Variants in PQBP1 observed in about 807,000 individuals in gnomAD.
The protein encoded by PQBP1 is polyglutamine binding protein 1, also known as polyglutamine-binding protein 1.
PQBP1 carries 3 observed loss-of-function variants against 20.9 expected under a neutral mutation model. That is an observed-to-expected ratio of 0.14 (90% confidence interval 0.07 to 0.37). PQBP1 has a LOEUF of 0.37. PQBP1 is among the 10% of genes least tolerant of loss of function. The pLI is 1.00. For synonymous variants in PQBP1, 83 were observed against 93.8 expected (o/e 0.88, Z 0.67); for missense variants, 162 against 240.3 (o/e 0.67, Z 2.16).
At chrX:48,901,462 C>A in intron 3 of PQBP1, 161 bp downstream of exon 3, 1 of 1,055,458 alleles carries the variant, frequency 9.5e-7, no homozygotes, top group Non-Finnish European at 1.3e-6. Context: ...CCTGGCTCCT[C>A]TGGGGTTGGA....
chrX:48,898,521 C>T lies in PQBP1; in HGVS notation c.12C>T (p.Pro4=), dbSNP rs782658869. 8.3e-7 allele frequency: 1 copy of T among 1,210,916 alleles called. No homozygotes were observed. Residue 4 remains proline, a synonymous_variant, in exon 2 of 7, where the codon CCC becomes CCT. Transcript: ENST00000447146. MPL[P]VALQTRLAKR... is the part of the protein sequence containing the mutation. ...GTCTGCTATCAGCTATGCCGCTGCC[C>T]GTTGCGCTGCAGACCCGCTTGGCCA...
chrX:48,902,122 G>C, intron 4 of PQBP1, 80 bp downstream of exon 4: 1 of 1,209,404 alleles, frequency 8.3e-7, no homozygotes. Context: ...TAGTGGATCA[G>C]AGGGGCAGGT....
Position 48,902,333 on chromosome X carries a change from AGACCGGGGCCACGACAAGTCT to A in PQBP1, c.397_417del (p.Gly134_Arg140del). The A allele has an allele frequency of 8.3e-7, 1 of 1,211,184 alleles. No homozygotes were observed. The highest frequency in any genetic ancestry group is 1.1e-6 in the Non-Finnish European group (1 of 895,280). ...AACTAGACAGGGGCCACGACAAGTC[AGACCGGGGCCACGACAAGTCT>A]GACAGGGATCGAGAGCGTGGCTATG... On this transcript the variant is annotated inframe_deletion, in exon 5 of 7. Transcript: ENST00000447146.
Position 48,902,379 on chromosome X carries a change from G to C in PQBP1, c.439G>C (p.Asp147His). 8.3e-7 allele frequency: 1 copy of C among 1,209,699 alleles called. No individual in the cohort carries two copies. Among genetic ancestry groups the C allele is most frequent in the Non-Finnish European group, 1.1e-6 (1 of 894,465 alleles). ...TGACAGGGATCGAGAGCGTGGCTAT[G>C]ACAAGGTAGACAGAGAGAGAGAGCG... ...KSDRDRERGYDKVDRERERDR... is the reference protein window; with the variant it reads ...KSDRDRERGYHKVDRERERDR... Residue 147 changes from aspartate (D) to histidine (H), a missense_variant, in exon 5 of 7, where the codon GAC becomes CAC. Transcript: ENST00000447146.
At chrX:48,898,645 G>A in intron 2 of PQBP1, 69 bp downstream of exon 2, 1 of 1,067,455 alleles carries the variant, frequency 9.4e-7, no homozygotes, top group Non-Finnish European at 1.3e-6. Flanking sequence ...TGTTGATACT[G>A]ACGCTTGATA....
chrX:48,900,284 C>CTTTTTTTTTT (rs1162086780), intron 2 of PQBP1, among the ~76,000 whole-genome samples: 1 of 32,472 alleles, frequency 3.1e-5, no homozygotes, highest in Non-Finnish European at 5.3e-5. Flanking sequence ...CATTGATTTA[C>CTTTTTTTTTT]TTTTTTTTTT....
rs782466018 is a variant in PQBP1, at chrX:48,901,434, A to G, written c.179+133A>G. The G allele has an allele frequency of 9.4e-5, 105 of 1,120,342 alleles. No individual in the cohort carries two copies. In the African/African-American group the frequency reaches 1.9e-3, roughly 20 times the overall value. The allele number at this position is 1,120,342 out of a possible 1,213,427, so 92.3% of individuals were successfully genotyped here. ...TGGCATTAGGTATCTGCAGGACTCAAGTTGCTGCCTGCTGGGGCCTGGCTC... is the reference window on the plus strand; with the variant it reads ...TGGCATTAGGTATCTGCAGGACTCAGGTTGCTGCCTGCTGGGGCCTGGCTC... On this transcript the variant is annotated intron_variant, in intron 3 of 6. Transcript: ENST00000447146.
chrX:48,902,911 G>A lies in PQBP1; in HGVS notation c.642-17G>A, dbSNP rs1557041786. ...GCCACATCACCCATCCCCATCCCCTGACTCTTTCACCGGCAGGGGCACGTG... is the reference window on the plus strand; with the variant it reads ...GCCACATCACCCATCCCCATCCCCTAACTCTTTCACCGGCAGGGGCACGTG... On this transcript the variant is annotated splice_polypyrimidine_tract_variant and intron_variant, in intron 6 of 6. Coordinates refer to ENST00000447146, the MANE Select transcript of PQBP1 (RefSeq NM_001032382.2). The A allele has an allele frequency of 8.4e-7, 1 of 1,194,536 alleles. No homozygotes were observed. Among genetic ancestry groups the A allele is most frequent in the Non-Finnish European group, 1.1e-6 (1 of 886,881 alleles).
At chrX:48,898,950 C>T (rs2063355731) in intron 2 of PQBP1, among the ~76,000 whole-genome samples, 1 of 100,197 alleles carries the variant, frequency 1.0e-5, no homozygotes, top group African/African-American at 3.7e-5. Flanking sequence ...GGACTACAGG[C>T]ACGCCCCGCC....
intron 5 of PQBP1, 80 bp from the exon 6 acceptor site, chrX:48,902,652 A>G: frequency 3.5e-6 from 4 of 1,156,954 alleles, no homozygotes; most frequent in Non-Finnish European, 3.5e-6. Flanking sequence ...CAGGGGCTTC[A>G]TTTCTTCTTG....
Position 48,898,533 on chromosome X carries a change from G to A in PQBP1, c.24G>A (p.Gln8=). The change falls in exon 2 of 7, where the codon CAG becomes CAA. Residue 8 remains glutamine (Q), a synonymous_variant. Transcript: ENST00000447146. MPLPVAL[Q]TRLAKRGILK... is the part of the protein sequence containing the mutation. The stretch of plus-strand genomic sequence containing the variant: ...CTATGCCGCTGCCCGTTGCGCTGCA[G>A]ACCCGCTTGGCCAAGAGAGGCATCC... The A allele has an allele frequency of 2.5e-6, 3 of 1,211,131 alleles. No homozygotes were observed. The highest frequency in any genetic ancestry group is 3.4e-6 in the Non-Finnish European group (3 of 895,370).
chrX:48,898,447 G>A (rs914133517), intron 1 of PQBP1, 45 bp from the exon 2 acceptor site: 28 of 1,113,621 alleles, frequency 2.5e-5, no homozygotes, highest in Non-Finnish European at 3.5e-5. Context: ...ATCCAGATAG[G>A]AATCTTTATC....
intron 2 of PQBP1, among the ~76,000 whole-genome samples, chrX:48,899,448 G>C (rs2063368605): frequency 9.0e-6 from 1 of 111,290 alleles, no homozygotes; most frequent in African/African-American, 3.3e-5. Context: ...AAAATTAATC[G>C]TGTGTTGTGG....
chrX:48,898,781 C>A lies in PQBP1; in HGVS notation c.67+205C>A, dbSNP rs369754874. Among the ~76,000 whole-genome samples, 502 of 38,835 alleles carry A rather than the reference C, an allele frequency of 0.013. 2 individuals carry two copies. The highest frequency in any genetic ancestry group is 0.016 in the Non-Finnish European group (381 of 23,308). 33.7% of individuals were successfully genotyped at this position (38,835 alleles called of 115,157 possible). The stretch of plus-strand genomic sequence containing the variant: ...GAGGGGGTTGGGGGAATAGATATTT[C>A]ATTCTTTTTTTTTTTTTTTTTTTTT... On this transcript the variant is annotated intron_variant, in intron 2 of 6. Transcript: ENST00000447146.
chrX:48,902,915 CTT>C lies in PQBP1; in HGVS notation c.642-11_642-10del, dbSNP rs1569510658. On this transcript the variant is annotated splice_polypyrimidine_tract_variant and intron_variant, in intron 6 of 6. Transcript: ENST00000447146. ...CATCACCCATCCCCATCCCCTGACTCTTTCACCGGCAGGGGCACGTGGTCAAC... is the reference window on the plus strand; with the variant it reads ...CATCACCCATCCCCATCCCCTGACTCTCACCGGCAGGGGCACGTGGTCAAC... 8.4e-7 allele frequency: 1 copy of C among 1,194,973 alleles called. No individual in the cohort carries two copies. Among genetic ancestry groups the C allele is most frequent in the Non-Finnish European group, 1.1e-6 (1 of 886,987 alleles).
chrX:48,902,264 C>T lies in PQBP1; in HGVS notation c.324C>T (p.Asp108=), dbSNP rs2063429306. ...DAEEKLDRSH[D]KSDRGHDKSD... is the part of the protein sequence containing the mutation. ...AAGAAAAGTTGGACCGGAGCCATGA[C>T]AAGTCGGACAGGGGCCATGACAAGT... is the stretch of plus-strand genomic sequence containing the variant. Residue 108 remains aspartate (D), a synonymous_variant, in exon 5 of 7, where the codon GAC becomes GAT. Transcript: ENST00000447146. 30 of 1,207,581 alleles carry T rather than the reference C, an allele frequency of 2.5e-5. No individual in the cohort carries two copies. The highest frequency in any genetic ancestry group is 3.4e-5 in the Non-Finnish European group (30 of 894,205).
rs1221160665 is a variant in PQBP1, at chrX:48,898,012, C to T, written c.-89C>T. 22 of 991,174 alleles carry T rather than the reference C, an allele frequency of 2.2e-5. No homozygotes were observed. In the African/African-American group the frequency reaches 4.4e-4, roughly 20 times the overall value. 81.7% of individuals were successfully genotyped at this position (991,174 alleles called of 1,213,427 possible). Reference sequence around the variant, plus strand: ...TTTTGGGAAGAGAGTCGTGTGGGCCCAGGTATCGTAGCGGCGACACGAGAG... The same window carrying T: ...TTTTGGGAAGAGAGTCGTGTGGGCCTAGGTATCGTAGCGGCGACACGAGAG... On this transcript the variant is annotated 5_prime_UTR_variant, in exon 1 of 7. Coordinates refer to ENST00000447146, the MANE Select transcript of PQBP1 (RefSeq NM_001032382.2).
At position 48,902,808 on chromosome X, in the gene PQBP1, C is replaced by T. The variant is rs1250738865; in HGVS notation, c.641+13C>T. On this transcript the variant is annotated intron_variant, in intron 6 of 6. Transcript: ENST00000447146. ...CAGACGCCCCCCGGTAAGTGACAACCCCTCTTGACTCAGTACGTGGACACC... is the reference window on the plus strand; with the variant it reads ...CAGACGCCCCCCGGTAAGTGACAACTCCTCTTGACTCAGTACGTGGACACC... 3 of 1,196,335 alleles carry T rather than the reference C, an allele frequency of 2.5e-6. No individual in the cohort carries two copies. Among genetic ancestry groups the T allele is most frequent in the Admixed American group, 4.5e-5 (2 of 44,293 alleles).
chrX:48,902,091 C>G (rs373098701), intron 4 of PQBP1, 49 bp downstream of exon 4: 1 of 1,210,457 alleles, frequency 8.3e-7, no homozygotes, highest in Non-Finnish European at 1.1e-6. Flanking sequence ...GCAGTTCTCA[C>G]GGAGAGGCCA....
Sources: allele counts gnomAD v4.1 joint callset (sites outside exome capture counted in the v4.1 genomes callset), GRCh38; gene constraint gnomAD v4.1.1; transcripts MANE v1.5; gene names NCBI Gene and HGNC (gene_info 2026-07-23, HGNC 2026-07-21).